Variants in DDHD1 observed in about 807,000 individuals in gnomAD.
The protein encoded by DDHD1 is DDHD domain containing 1, also known as phospholipase DDHD1.
In DDHD1, 49 loss-of-function variants were observed where a neutral mutation model predicts 96.4. The observed-to-expected ratio is 0.51, with a 90% CI of 0.40 to 0.64. The LOEUF is 0.64. Among genes scored for constraint, DDHD1 ranks in the 30% least tolerant of loss-of-function variants. The pLI is 0.00. For synonymous variants in DDHD1, 442 were observed against 446.5 expected, an observed-to-expected ratio of 0.99 and a Z score of 0.13; for missense variants, 1,106 against 1,161.2, an observed-to-expected ratio of 0.95 and a Z score of 0.69.
intron 1 of DDHD1, 47 bp from the exon 2 acceptor site, chr14:53,103,903 T>C: frequency 6.7e-7 from 1 of 1,492,664 alleles, no homozygotes; most frequent in Non-Finnish European, 8.9e-7. Context: ...AGATTCAACT[T>C]CCCCAAAAGA....
At chr14:53,111,573 A>G (rs1363320038) in intron 1 of DDHD1, among the ~76,000 whole-genome samples, 1 of 152,220 alleles carries the variant, frequency 6.6e-6, no homozygotes. Flanking sequence ...AAAAGCTGTT[A>G]TGCATTACTA....
chr14:53,125,338 G>C (rs984131630), intron 1 of DDHD1, among the ~76,000 whole-genome samples: 1 of 152,020 alleles, frequency 6.6e-6, no homozygotes, highest in Non-Finnish European at 1.5e-5. Flanking sequence ...TATATGCTTA[G>C]GGAAAAATTT....
intron 11 of DDHD1, 143 bp downstream of exon 11, chr14:53,054,295 G>A (rs1882850447): frequency 1.5e-6 from 1 of 668,836 alleles, no homozygotes; most frequent in African/African-American, 1.8e-5. Context: ...ATAAGCAGAA[G>A]GAAAGCATTT....
At chr14:53,099,464 C>T (rs1368672944) in intron 2 of DDHD1, among the ~76,000 whole-genome samples, 2 of 152,150 alleles carry the variant, frequency 1.3e-5, no homozygotes, top group African/African-American at 4.8e-5. Flanking sequence ...GACCTTGACA[C>T]TTTTGAAGAC....
At chr14:53,142,010 G>A (rs937553242) in intron 1 of DDHD1, among the ~76,000 whole-genome samples, 1 of 151,888 alleles carries the variant, frequency 6.6e-6, no homozygotes, top group Non-Finnish European at 1.5e-5. Flanking sequence ...TATTGACCTA[G>A]GTACTGTGCT....
At chr14:53,079,276 G>A (rs1885242479) in intron 4 of DDHD1, among the ~76,000 whole-genome samples, 1 of 152,006 alleles carries the variant, frequency 6.6e-6, no homozygotes, top group Admixed American at 6.6e-5. Context: ...TAGAGAAGTG[G>A]TGCTAATTTT....
intron 1 of DDHD1, among the ~76,000 whole-genome samples, chr14:53,135,428 T>C (rs564620075): frequency 6.6e-6 from 1 of 152,294 alleles, no homozygotes; most frequent in East Asian, 1.9e-4. Context: ...GAACTAATGA[T>C]AATCCCACCA....
At chr14:53,107,130 T>C (rs183749113) in intron 1 of DDHD1, among the ~76,000 whole-genome samples, 16 of 152,308 alleles carry the variant, frequency 1.1e-4, no homozygotes, top group Non-Finnish European at 7.4e-5. Flanking sequence ...CCTGAAGCCT[T>C]AAATAGTATT....
chr14:53,131,306 C>T (rs1437523906), intron 1 of DDHD1, among the ~76,000 whole-genome samples: 1 of 152,152 alleles, frequency 6.6e-6, no homozygotes, highest in African/African-American at 2.4e-5. Flanking sequence ...CACCTTTACT[C>T]CCTCCATGGC....
At position 53,109,072 on chromosome 14, in the gene DDHD1, A is replaced by C. The variant is rs560071981; in HGVS notation, c.839-5216T>G. The stretch of plus-strand genomic sequence containing the variant: ...CAGATTAGTAAAGAGGAGCGCCTAT[A>C]ATGGACGGTGTTACGGTGGAGTTGT... On this transcript the variant is annotated intron_variant, in intron 1 of 12. Coordinates refer to ENST00000673822, the MANE Select transcript of DDHD1 (RefSeq NM_001160148.2). Among the ~76,000 whole-genome samples the C allele has an allele frequency of 5.3e-5, 8 of 152,250 alleles. No homozygotes were observed. The South Asian group carries it at 1.7e-3, about 32-fold the overall frequency.
Position 53,044,097 on chromosome 14 carries a change from CTGTA to C in DDHD1, c.*2667_*2670del. ...TAATCAAGCCAGAATGACACACAGT[CTGTA>C]TATTAATTAAGTATATACAAATACA... On this transcript the variant is annotated 3_prime_UTR_variant, in exon 13 of 13. Coordinates refer to ENST00000673822, the MANE Select transcript of DDHD1 (RefSeq NM_001160148.2). The C allele has an allele frequency of 6.6e-6, 1 of 152,286 alleles. No homozygotes were observed. Among genetic ancestry groups the C allele is most frequent in the Middle Eastern group, 3.4e-3 (1 of 292 alleles). 9.4% of individuals were successfully genotyped at this position (152,286 alleles called of 1,614,324 possible).
At chr14:53,051,171 G>A (rs900351601) in intron 12 of DDHD1, among the ~76,000 whole-genome samples, 3 of 150,988 alleles carry the variant, frequency 2.0e-5, no homozygotes, top group Admixed American at 6.6e-5. Flanking sequence ...GCCCTGTAAC[G>A]TGTTTTGTCA....
chr14:53,062,981 T>C lies in DDHD1; in HGVS notation c.1728A>G (p.Glu576=). 10 of 1,614,062 alleles carry C rather than the reference T, an allele frequency of 6.2e-6. No homozygotes were observed. Among genetic ancestry groups the C allele is most frequent in the Non-Finnish European group, 8.5e-6 (10 of 1,179,952 alleles). Residue 576 remains glutamate, a synonymous_variant, in exon 7 of 13, where the codon GAA becomes GAG. Coordinates refer to ENST00000673822, the MANE Select transcript of DDHD1 (RefSeq NM_001160148.2). ...TATAGAGTTCATCAAGAAGATGTCG[T>C]TCTTCATAGCTCATCCATCGTTCAT... is the stretch of plus-strand genomic sequence containing the variant. ...LPDERWMSYE[E]RHLLDELYIT...
chr14:53,059,487 C>A (rs1410235786), intron 8 of DDHD1, among the ~76,000 whole-genome samples: 1 of 151,306 alleles, frequency 6.6e-6, no homozygotes, highest in Non-Finnish European at 1.5e-5. Context: ...CCTCGTGATC[C>A]GCCCACCTTA....
chr14:53,143,289 T>C (rs1179610930), intron 1 of DDHD1, among the ~76,000 whole-genome samples: 1 of 152,182 alleles, frequency 6.6e-6, no homozygotes, highest in Non-Finnish European at 1.5e-5. Context: ...GAGATGAAAC[T>C]GATGAGCTGT....
At chr14:53,055,596 C>T (rs1204573501) in intron 10 of DDHD1, 64 bp downstream of exon 10, 9 of 1,369,330 alleles carry the variant, frequency 6.6e-6, no homozygotes, top group Middle Eastern at 1.8e-4. Flanking sequence ...TACTTCTAGT[C>T]CCCCAAACTT....
chr14:53,043,382 T>C lies in DDHD1; in HGVS notation c.*3386A>G, dbSNP rs1363375929. 1 of 141,282 alleles carries C rather than the reference T, an allele frequency of 7.1e-6. No homozygotes were observed. The highest frequency in any genetic ancestry group is 2.7e-5 in the African/African-American group (1 of 37,494). The allele number at this position is 141,282 out of a possible 1,614,324, so 8.8% of individuals were successfully genotyped here. On this transcript the variant is annotated 3_prime_UTR_variant, in exon 13 of 13. Coordinates refer to ENST00000673822, the MANE Select transcript of DDHD1 (RefSeq NM_001160148.2). Reference sequence around the variant, plus strand: ...GCTTCACATACAAAAGAGCAGTTATTAGAACATCCAGTGTGTGTGTGTGTG... The same window carrying C: ...GCTTCACATACAAAAGAGCAGTTATCAGAACATCCAGTGTGTGTGTGTGTG...
intron 9 of DDHD1, among the ~76,000 whole-genome samples, chr14:53,057,333 A>G (rs1172443538): frequency 6.6e-6 from 1 of 152,136 alleles, no homozygotes; most frequent in Non-Finnish European, 1.5e-5. Flanking sequence ...TTAAGGGGGC[A>G]TTTTTCTTGT....
chr14:53,086,910 G>A (rs921771032), intron 4 of DDHD1, among the ~76,000 whole-genome samples: 3 of 138,504 alleles, frequency 2.2e-5, no homozygotes, highest in Non-Finnish European at 4.5e-5. Context: ...CATCTCACAT[G>A]CAGACACACA....
Sources: allele counts gnomAD v4.1 joint callset (sites outside exome capture counted in the v4.1 genomes callset), GRCh38; gene constraint gnomAD v4.1.1; transcripts MANE v1.5; gene names NCBI Gene and HGNC (gene_info 2026-07-23, HGNC 2026-07-21).